MARCHF6: variants seen among roughly 807,000 people sequenced by gnomAD.
The protein encoded by MARCHF6 is E3 ubiquitin-protein ligase MARCHF6.
A neutral mutation model predicts 133.7 loss-of-function variants in MARCHF6; 31 were observed. The observed-to-expected ratio is 0.23, with a 90% CI of 0.17 to 0.31. The LOEUF is 0.31. MARCHF6 is among the 10% of genes least tolerant of loss of function. The pLI is 1.00. For synonymous variants in MARCHF6, 395 were observed against 402.5 expected, an observed-to-expected ratio of 0.98 and a Z score of 0.22; for missense variants, 723 against 1,121.6, an observed-to-expected ratio of 0.64 and a Z score of 5.08.
At chr5:10,416,397 A>G (rs980131850) in intron 21 of MARCHF6, among the ~76,000 whole-genome samples, 1 of 152,250 alleles carries the variant, frequency 6.6e-6, no homozygotes, top group East Asian at 1.9e-4. Flanking sequence ...AAAATATAAA[A>G]TCCATTTTTA....
intron 1 of MARCHF6, among the ~76,000 whole-genome samples, chr5:10,365,211 A>G (rs543103741): frequency 1.3e-5 from 2 of 152,340 alleles, no homozygotes; most frequent in East Asian, 1.9e-4. Context: ...CAGGAGCAAC[A>G]GTACAGGTGA....
In MARCHF6 at chr5:10,432,899, C is replaced by CT. The variant is rs752051489; in HGVS notation, c.2643-674dup. ...CCAGTTTTACTTTCATCCCTTCCTA[C>CT]TTTTTTTTTTTTTTTTTTTTTGAGA... On this transcript the variant is annotated intron_variant, in intron 25 of 25. Coordinates refer to ENST00000274140, the MANE Select transcript of MARCHF6 (RefSeq NM_005885.4). Among the ~76,000 whole-genome samples, 1,038 of 136,190 alleles carry CT rather than the reference C, an allele frequency of 7.6e-3. 9 individuals carry two copies. The highest frequency in any genetic ancestry group is 0.013 in the African/African-American group (472 of 35,100). 89.3% of individuals were successfully genotyped at this position (136,190 alleles called of 152,430 possible). A position where few individuals can be genotyped will look rare whatever the true frequency, so the allele number is the denominator to read the frequency against.
chr5:10,367,688 G>T (rs975552715), intron 1 of MARCHF6, among the ~76,000 whole-genome samples: 1 of 152,038 alleles, frequency 6.6e-6, no homozygotes, highest in African/African-American at 2.4e-5. Flanking sequence ...CACAGTGGTG[G>T]TGGTTTTCTT....
chr5:10,394,718 CTTAAA>C (rs780614504), intron 8 of MARCHF6, 30 bp from the exon 9 acceptor site: 51 of 1,543,514 alleles, frequency 3.3e-5, no homozygotes, highest in African/African-American at 2.4e-4. Flanking sequence ...TCTGTTGCAT[CTTAAA>C]TTAATGCTTA....
chr5:10,380,799 C>T (rs537202179), intron 3 of MARCHF6, among the ~76,000 whole-genome samples: 15 of 152,118 alleles, frequency 9.9e-5, no homozygotes, highest in Non-Finnish European at 1.8e-4. Flanking sequence ...TGGTGGCAGA[C>T]GCCTGTAATC....
intron 1 of MARCHF6, among the ~76,000 whole-genome samples, chr5:10,364,192 G>A (rs1171002558): frequency 6.6e-6 from 1 of 152,188 alleles, no homozygotes; most frequent in East Asian, 1.9e-4. Flanking sequence ...ACCGTACCAA[G>A]TGTTTGTAAG....
In MARCHF6 at chr5:10,434,512, C is replaced by T. The variant is rs1740517957; in HGVS notation, c.*828C>T. 1.4e-5 allele frequency: 2 copies of T among 145,546 alleles called. No homozygotes were observed. The highest frequency in any genetic ancestry group is 5.1e-5 in the African/African-American group (2 of 39,220). 9.0% of individuals were successfully genotyped at this position (145,546 alleles called of 1,614,324 possible). The stretch of plus-strand genomic sequence containing the variant: ...CGCCCCCACCCCACACCCACATCCT[C>T]TCTTTTCCACACACAACTATCTGTT... On this transcript the variant is annotated 3_prime_UTR_variant, in exon 26 of 26. Coordinates refer to ENST00000274140, the MANE Select transcript of MARCHF6 (RefSeq NM_005885.4).
chr5:10,429,919 G>A lies in MARCHF6; in HGVS notation c.2533G>A (p.Val845Ile). The A allele has an allele frequency of 6.2e-7, 1 of 1,613,418 alleles. No homozygotes were observed. The highest frequency in any genetic ancestry group is 8.5e-7 in the Non-Finnish European group (1 of 1,179,422). Reference sequence around the variant, plus strand: ...TGTTACTGCGGAAATGCAAAACTTAGTCCATCGGCGGATTTATCCATTTTT... The same window carrying A: ...TGTTACTGCGGAAATGCAAAACTTAATCCATCGGCGGATTTATCCATTTTT... ...LGVTAEMQNLVHRRIYPFLLM... is the reference protein window; with the variant it reads ...LGVTAEMQNLIHRRIYPFLLM... Residue 845 changes from valine to isoleucine, a missense_variant, in exon 25 of 26, where the codon GTC becomes ATC. Val to Ile is a conservative substitution (Grantham distance 29, BLOSUM62 3). Transcript: ENST00000274140.
At chr5:10,386,892 A>T in intron 4 of MARCHF6, 102 bp from the exon 5 acceptor site, 1 of 799,236 alleles carries the variant, frequency 1.3e-6, no homozygotes, top group Non-Finnish European at 2.2e-6. Flanking sequence ...TGTTTATTTC[A>T]GTGGCATTTG....
chr5:10,410,096 A>G (rs377597973), intron 17 of MARCHF6, 43 bp from the exon 18 acceptor site: 1 of 1,601,638 alleles, frequency 6.2e-7, no homozygotes, highest in African/African-American at 1.3e-5. Context: ...AATAGTAGTC[A>G]TATGCAAAAT....
At chr5:10,403,648 T>C in intron 15 of MARCHF6, 107 bp downstream of exon 15, 1 of 1,005,726 alleles carries the variant, frequency 9.9e-7, no homozygotes, top group Non-Finnish European at 1.4e-6. Context: ...TAAATCATAT[T>C]CTCTACTATT....
In MARCHF6 at chr5:10,394,799, A is replaced by G; in HGVS notation, c.861+14A>G. 2 of 1,242,702 alleles carry G rather than the reference A, an allele frequency of 1.6e-6. No homozygotes were observed. The highest frequency in any genetic ancestry group is 2.2e-6 in the Non-Finnish European group (2 of 904,464). 77.0% of individuals were successfully genotyped at this position (1,242,702 alleles called of 1,614,324 possible). A position where few individuals can be genotyped will look rare whatever the true frequency, so the allele number is the denominator to read the frequency against. ...CTAGTTTTTCTGGTAAGTAAAACTA[A>G]TTTTTTTTTTTTTTTTTTGAGACGG... On this transcript the variant is annotated intron_variant, in intron 9 of 25. Coordinates refer to ENST00000274140, the MANE Select transcript of MARCHF6 (RefSeq NM_005885.4).
At chr5:10,362,768 G>A (rs1182652864) in intron 1 of MARCHF6, among the ~76,000 whole-genome samples, 1 of 152,128 alleles carries the variant, frequency 6.6e-6, no homozygotes, top group Non-Finnish European at 1.5e-5. Flanking sequence ...AACTTGACAA[G>A]TGGTAGTTTC....
chr5:10,433,608 A>G lies in MARCHF6; in HGVS notation c.2657A>G (p.Gln886Arg). Residue 886 changes from glutamine to arginine, a missense_variant, in exon 26 of 26, where the codon CAA becomes CGA. Physicochemically the swap from Gln to Arg is conservative, Grantham distance 43. Around this residue, in one of 4 missense-constraint regions of MARCHF6, gnomAD observed 492 missense variants for 699.5 expected, o/e 0.70. Transcript: ENST00000274140. ...HIKNDKYLVG[Q>R]RLVNYERKSG... ...TTGCAACCTAGGTACCTTGTGGGTC[A>G]ACGACTCGTGAACTACGAACGGAAA... 6.2e-7 allele frequency: 1 copy of G among 1,614,166 alleles called. No individual in the cohort carries two copies. The highest frequency in any genetic ancestry group is 1.3e-5 in the African/African-American group (1 of 75,076).
chr5:10,358,675 A>C (rs1046688564), intron 1 of MARCHF6, among the ~76,000 whole-genome samples: 1 of 152,218 alleles, frequency 6.6e-6, no homozygotes, highest in South Asian at 2.1e-4. Flanking sequence ...TTCAATAAAT[A>C]TATTGAAAAA....
intron 1 of MARCHF6, among the ~76,000 whole-genome samples, chr5:10,359,708 A>G (rs1425192729): frequency 6.6e-6 from 1 of 152,192 alleles, no homozygotes; most frequent in East Asian, 1.9e-4. Context: ...AATACCTAGT[A>G]TAATGTAATA....
chr5:10,353,724 C>T lies in MARCHF6; in HGVS notation c.-175C>T, dbSNP rs1278736141. On this transcript the variant is annotated 5_prime_UTR_variant, in exon 1 of 26. Coordinates refer to ENST00000274140, the MANE Select transcript of MARCHF6 (RefSeq NM_005885.4). ...CCGCCCCTCCCCCTCCCGTGTCGCT[C>T]GCTTTCTGTCAGCCTCTCTCCCTCT... 1.8e-5 allele frequency: 6 copies of T among 333,502 alleles called. No individual in the cohort carries two copies. The highest frequency in any genetic ancestry group is 7.9e-5 in the East Asian group (1 of 12,734). The allele number at this position is 333,502 out of a possible 1,614,324, so 20.7% of individuals were successfully genotyped here. A position where few individuals can be genotyped will look rare whatever the true frequency, so the allele number is the denominator to read the frequency against.
chr5:10,354,120 G>C (rs915770861), intron 1 of MARCHF6: 4 of 377,226 alleles, frequency 1.1e-5, no homozygotes, highest in East Asian at 4.5e-5. Flanking sequence ...GCGCCGCCGA[G>C]GGGGGCGGGG....
At chr5:10,391,464 T>TTTTTC in intron 6 of MARCHF6, 78 bp from the exon 7 acceptor site, 2 of 431,754 alleles carry the variant, frequency 4.6e-6, no homozygotes, top group Non-Finnish European at 4.0e-6. Context: ...TTTTTTTTTT[T>TTTTTC]AGCAGGAATA....
Sources: allele counts gnomAD v4.1 joint callset (sites outside exome capture counted in the v4.1 genomes callset), GRCh38; gene constraint gnomAD v4.1.1; regional missense constraint gnomAD v4.1.1; transcripts MANE v1.5; gene names NCBI Gene and HGNC (gene_info 2026-07-23, HGNC 2026-07-21).